EDIL3: variants seen among roughly 807,000 people sequenced by gnomAD.
EDIL3 encodes the protein EGF like and discoidin domains 3, also known as EGF-like repeat and discoidin I-like domain-containing protein 3.
A neutral mutation model predicts 67.4 loss-of-function variants in EDIL3; 37 were observed. The observed-to-expected ratio is 0.55, with a 90% CI of 0.42 to 0.72. EDIL3 has a LOEUF of 0.72. Among genes scored for constraint, EDIL3 ranks in the 30% least tolerant of loss-of-function variants. EDIL3 has a pLI of 0.00. For synonymous variants in EDIL3, 195 were observed against 196.3 expected, an observed-to-expected ratio of 0.99 and a Z score of 0.05; for missense variants, 527 against 586.3, an observed-to-expected ratio of 0.90 and a Z score of 1.04.
rs1156336435 is a variant in EDIL3 at position 84,340,581 on chromosome 5, C to CAT, written c.67+43725_67+43726dup. 5.7e-5 allele frequency among the ~76,000 whole-genome samples: 4 copies of CAT among 69,834 alleles called. No homozygotes were observed. In the East Asian group the frequency reaches 1.4e-3, roughly 24 times the overall value. The allele number at this position is 69,834 out of a possible 152,430, so 45.8% of individuals were successfully genotyped here. A position where few individuals can be genotyped will look rare whatever the true frequency, so the allele number is the denominator to read the frequency against. ...ATATATATATATATATGTTAGTCTA[C>CAT]ATATATATATGTATGTATGTATATA... is the stretch of plus-strand genomic sequence containing the variant. On this transcript the variant is annotated intron_variant, in intron 1 of 10. Coordinates refer to ENST00000296591, the MANE Select transcript of EDIL3 (RefSeq NM_005711.5).
intron 5 of EDIL3, among the ~76,000 whole-genome samples, chr5:84,120,156 C>T (rs920769948): frequency 5.3e-5 from 8 of 151,946 alleles, no homozygotes; most frequent in African/African-American, 1.9e-4. Flanking sequence ...TCAGGAATTG[C>T]ACACCTTTGC....
At chr5:84,370,162 G>T (rs1361091339) in intron 1 of EDIL3, among the ~76,000 whole-genome samples, 1 of 152,216 alleles carries the variant, frequency 6.6e-6, no homozygotes, top group Non-Finnish European at 1.5e-5. Flanking sequence ...AATTACCAGG[G>T]TCTCAAACAT....
intron 1 of EDIL3, among the ~76,000 whole-genome samples, chr5:84,331,120 T>C (rs1353527889): frequency 6.6e-6 from 1 of 152,194 alleles, no homozygotes; most frequent in Non-Finnish European, 1.5e-5. Context: ...TGTGCCCCCA[T>C]TGTATATAGG....
chr5:84,294,558 AT>A (rs1415996107), intron 1 of EDIL3, among the ~76,000 whole-genome samples: 1 of 151,908 alleles, frequency 6.6e-6, no homozygotes, highest in Non-Finnish European at 1.5e-5. Flanking sequence ...GTGCATACAT[AT>A]ATACATATAT....
At chr5:84,121,352 A>G (rs1309511984) in intron 5 of EDIL3, among the ~76,000 whole-genome samples, 1 of 151,930 alleles carries the variant, frequency 6.6e-6, no homozygotes, top group Non-Finnish European at 1.5e-5. Flanking sequence ...TTATGTGCTA[A>G]TTTCACTGCT....
intron 3 of EDIL3, among the ~76,000 whole-genome samples, chr5:84,225,473 A>G (rs1744431767): frequency 6.6e-6 from 1 of 151,644 alleles, no homozygotes; most frequent in South Asian, 2.1e-4. Flanking sequence ...TGGAGGGATC[A>G]CTTATCTGTT....
intron 1 of EDIL3, among the ~76,000 whole-genome samples, chr5:84,271,446 A>C (rs1474119262): frequency 6.7e-6 from 1 of 150,310 alleles, no homozygotes; most frequent in African/African-American, 2.4e-5. Flanking sequence ...TAAATAAATA[A>C]ATAAATAAAT....
At chr5:84,011,639 C>A (rs1157853425) in intron 9 of EDIL3, among the ~76,000 whole-genome samples, 1 of 152,158 alleles carries the variant, frequency 6.6e-6, no homozygotes, top group Non-Finnish European at 1.5e-5. Context: ...CTGCATACCT[C>A]TCCAATGTCA....
intron 9 of EDIL3, among the ~76,000 whole-genome samples, chr5:84,007,943 C>T (rs181712441): frequency 2.0e-5 from 3 of 152,224 alleles, no homozygotes; most frequent in Admixed American, 1.3e-4. Context: ...GAGTACCATT[C>T]AGCCATAAAA....
At chr5:84,136,172 G>A (rs1006654378) in intron 5 of EDIL3, among the ~76,000 whole-genome samples, 27 of 152,104 alleles carry the variant, frequency 1.8e-4, no homozygotes, top group African/African-American at 6.5e-4. Context: ...TACACTGAGT[G>A]GGGAATCAGA....
chr5:84,254,004 C>A, intron 2 of EDIL3, 80 bp downstream of exon 2: 1 of 1,433,132 alleles, frequency 7.0e-7, no homozygotes. Context: ...AACTAATCTC[C>A]ATAATGCACC....
At chr5:84,052,650 G>T (rs572153470) in intron 9 of EDIL3, among the ~76,000 whole-genome samples, 289 of 152,224 alleles carry the variant, frequency 1.9e-3, no homozygotes, top group African/African-American at 6.7e-3. Context: ...AAAGGCAGGG[G>T]TTGCAATCCT....
At chr5:84,241,102 G>T (rs1454932233) in intron 2 of EDIL3, among the ~76,000 whole-genome samples, 2 of 152,080 alleles carry the variant, frequency 1.3e-5, no homozygotes, top group Admixed American at 1.3e-4. Context: ...ATAGCACTTT[G>T]TTCCCCTCTT....
chr5:84,249,723 T>A (rs1184002432), intron 2 of EDIL3, among the ~76,000 whole-genome samples: 1 of 152,200 alleles, frequency 6.6e-6, no homozygotes, highest in Non-Finnish European at 1.5e-5. Flanking sequence ...ATTACTCTGA[T>A]AACACACATA....
At chr5:84,151,476 T>G (rs1448736819) in intron 4 of EDIL3, among the ~76,000 whole-genome samples, 4 of 152,066 alleles carry the variant, frequency 2.6e-5, no homozygotes, top group Admixed American at 2.6e-4. Flanking sequence ...AACATAGTAA[T>G]AGGAGGAGCT....
intron 5 of EDIL3, among the ~76,000 whole-genome samples, chr5:84,113,278 C>T (rs1007692427): frequency 9.9e-5 from 15 of 152,112 alleles, no homozygotes; most frequent in South Asian, 4.1e-4. Context: ...TTGTCAGGTA[C>T]GACAATAATC....
intron 1 of EDIL3, among the ~76,000 whole-genome samples, chr5:84,295,616 T>C (rs1348623660): frequency 6.6e-6 from 1 of 152,056 alleles, no homozygotes; most frequent in Non-Finnish European, 1.5e-5. Flanking sequence ...ATTTCAAAAA[T>C]AGCAGAGTAA....
intron 1 of EDIL3, among the ~76,000 whole-genome samples, chr5:84,299,738 C>A (rs1160034728): frequency 6.6e-6 from 1 of 151,988 alleles, no homozygotes; most frequent in Non-Finnish European, 1.5e-5. Flanking sequence ...ACTTAATGAC[C>A]TTTGTATGTA....
chr5:84,318,203 A>C (rs916935841), intron 1 of EDIL3, among the ~76,000 whole-genome samples: 1 of 152,240 alleles, frequency 6.6e-6, no homozygotes, highest in Admixed American at 6.5e-5. Flanking sequence ...GGATAGGAAG[A>C]ATCAATATCA....
Sources: allele counts gnomAD v4.1 joint callset (sites outside exome capture counted in the v4.1 genomes callset), GRCh38; gene constraint gnomAD v4.1.1; transcripts MANE v1.5; gene names NCBI Gene and HGNC (gene_info 2026-07-23, HGNC 2026-07-21).